The following PARP11 variants were observed in gnomAD, a reference collection of about 807,000 sequenced individuals.
PARP11 encodes protein mono-ADP-ribosyltransferase PARP11.
In PARP11, 31 loss-of-function variants were observed where a neutral mutation model predicts 42.9. The observed-to-expected ratio is 0.72, with a 90% CI of 0.54 to 0.98. The LOEUF (loss-of-function observed/expected upper bound fraction) is 0.98. PARP11 is among the 50% of genes least tolerant of loss of function. The probability of loss-of-function intolerance (pLI) is 0.00; values close to 1 mark genes in which losing one functional copy is unlikely to be tolerated. For missense variants in PARP11, 365 were observed against 413.1 expected (o/e 0.88, Z 1.01); for synonymous variants, 137 against 127.3 (o/e 1.08, Z -0.51).
At chr12:3,858,551 A>G (rs887227934) in intron 1 of PARP11, among the ~76,000 whole-genome samples, 10 of 152,258 alleles carry the variant, frequency 6.6e-5, no homozygotes, top group African/African-American at 2.4e-4. Context: ...TATAGGAGCC[A>G]CTACTTGGTC....
In PARP11 at chr12:3,811,989, T is replaced by C. The variant is rs1458829294; in HGVS notation, c.*134A>G. ...ACCTTGAAGTCAGTATGTCTTTTTA[T>C]ATGGAGGCCACTTTTTTTCATATCT... On this transcript the variant is annotated 3_prime_UTR_variant, in exon 8 of 8. Coordinates refer to ENST00000228820, the MANE Select transcript of PARP11 (RefSeq NM_020367.6). The C allele has an allele frequency of 6.0e-6, 4 of 663,892 alleles. No homozygotes were observed. Among genetic ancestry groups the C allele is most frequent in the Non-Finnish European group, 9.9e-6 (4 of 404,496 alleles). The allele number at this position is 663,892 out of a possible 1,614,324, so 41.1% of individuals were successfully genotyped here. A position where few individuals can be genotyped will look rare whatever the true frequency, so the allele number is the denominator to read the frequency against.
At chr12:3,870,209 G>C (rs1028218681) in intron 1 of PARP11, among the ~76,000 whole-genome samples, 15 of 152,172 alleles carry the variant, frequency 9.9e-5, no homozygotes, top group Non-Finnish European at 2.1e-4. Context: ...CACGTAGAAT[G>C]TTGATTTTTA....
chr12:3,817,194 A>AAC (rs1232541704), intron 6 of PARP11, among the ~76,000 whole-genome samples: 1 of 151,868 alleles, frequency 6.6e-6, no homozygotes, highest in Non-Finnish European at 1.5e-5. Flanking sequence ...CTGTCTCAAA[A>AAC]AAAAAAAAAT....
chr12:3,859,430 G>A (rs1411709737), intron 1 of PARP11, among the ~76,000 whole-genome samples: 1 of 151,912 alleles, frequency 6.6e-6, no homozygotes, highest in Non-Finnish European at 1.5e-5. Flanking sequence ...AGGCGTGGTG[G>A]CACACGCCTG....
chr12:3,872,441 C>G (rs533745656), intron 1 of PARP11: 5 of 879,506 alleles, frequency 5.7e-6, no homozygotes, highest in Non-Finnish European at 6.8e-6. Flanking sequence ...TCGGCCCCTA[C>G]GTTGCACTTT....
At chr12:3,853,639 T>C (rs990643612) in intron 1 of PARP11, among the ~76,000 whole-genome samples, 12 of 152,098 alleles carry the variant, frequency 7.9e-5, no homozygotes, top group Admixed American at 6.5e-4. Flanking sequence ...ATAAAGCAAG[T>C]CCTTAGAGAC....
intron 1 of PARP11, among the ~76,000 whole-genome samples, chr12:3,851,627 C>A (rs1948096503): frequency 6.6e-6 from 1 of 152,146 alleles, no homozygotes; most frequent in South Asian, 2.1e-4. Flanking sequence ...TGGGTGGAGC[C>A]CACCGCAACT....
Position 3,840,614 on chromosome 12 carries a change from A to G in PARP11, c.19-10596T>C. On this transcript the variant is annotated intron_variant, in intron 1 of 7. Transcript: ENST00000228820. This position sits in a 1 kb window ranked among gnomAD's most constrained non-coding sequence, Gnocchi z 4.4. ...GATCACACAAGTCGAGAATCTAACTATTGCTACTTCTCAGAGTAGCAATCC... is the reference window on the plus strand; with the variant it reads ...GATCACACAAGTCGAGAATCTAACTGTTGCTACTTCTCAGAGTAGCAATCC... 7.8e-7 allele frequency: 1 copy of G among 1,281,308 alleles called. No homozygotes were observed. The highest frequency in any genetic ancestry group is 1.5e-5 in the African/African-American group (1 of 68,484). The allele number at this position is 1,281,308 out of a possible 1,614,324, so 79.4% of individuals were successfully genotyped here.
rs370886675 is a variant in PARP11 at position 3,843,947 on chromosome 12, G to A, written c.19-13929C>T. Among the ~76,000 whole-genome samples the A allele has an allele frequency of 1.1e-4, 16 of 152,212 alleles. No homozygotes were observed. The East Asian group carries it at 2.5e-3, about 24-fold the overall frequency. ...AATACACCTAGCCAAAACCAGATGC[G>A]GTGACTTTCTTTTTTTGTAAAGCAA... On this transcript the variant is annotated intron_variant, in intron 1 of 7. Transcript: ENST00000228820.
intron 1 of PARP11, chr12:3,839,320 G>C (rs1161919002): frequency 2.0e-6 from 3 of 1,526,886 alleles, no homozygotes; most frequent in Non-Finnish European, 2.6e-6. Flanking sequence ...GGCCGTCGGC[G>C]TCCCCGACGG....
rs752919018 is a variant in PARP11 at position 3,828,851 on chromosome 12, T to G, written c.268+59A>C. 10 of 1,476,394 alleles carry G rather than the reference T, an allele frequency of 6.8e-6. No homozygotes were observed. The South Asian group carries it at 1.2e-4, about 17-fold the overall frequency. The allele number at this position is 1,476,394 out of a possible 1,614,324, so 91.5% of individuals were successfully genotyped here. A position where few individuals can be genotyped will look rare whatever the true frequency, so the allele number is the denominator to read the frequency against. ...ATCAACTAATCCTGACCTTCAGAGC[T>G]GTAGATTTTATCATATCAATATACT... is the stretch of plus-strand genomic sequence containing the variant. On this transcript the variant is annotated intron_variant, in intron 3 of 7. Coordinates refer to ENST00000228820, the MANE Select transcript of PARP11 (RefSeq NM_020367.6).
Position 3,840,871 on chromosome 12 carries a change from G to A in PARP11, c.19-10853C>T, listed in dbSNP as rs1408023769. On this transcript the variant is annotated intron_variant, in intron 1 of 7. Coordinates refer to ENST00000228820, the MANE Select transcript of PARP11 (RefSeq NM_020367.6). This position sits in a 1 kb window ranked among gnomAD's most constrained non-coding sequence, Gnocchi z 4.4. ...TGCAGAACAAAAGCCAGCAGAACAT[G>A]TGTCTTTGTCAAATCCAGCTCCCCT... is the stretch of plus-strand genomic sequence containing the variant. The A allele has an allele frequency of 3.8e-6, 6 of 1,599,972 alleles. No individual in the cohort carries two copies. Among genetic ancestry groups the A allele is most frequent in the African/African-American group, 2.7e-5 (2 of 74,632 alleles).
intron 1 of PARP11, among the ~76,000 whole-genome samples, chr12:3,850,279 CATAAT>C (rs1449782530): frequency 1.3e-5 from 2 of 151,988 alleles, no homozygotes; most frequent in Non-Finnish European, 2.9e-5. Flanking sequence ...CATATATAGA[CATAAT>C]ATATATAGCA....
chr12:3,842,786 A>G (rs1947919589), intron 1 of PARP11, among the ~76,000 whole-genome samples: 1 of 152,226 alleles, frequency 6.6e-6, no homozygotes, highest in Non-Finnish European at 1.5e-5. Context: ...AAGTATTTTT[A>G]TAAGCAGCTT....
chr12:3,824,598 TTTA>T (rs1199845293), intron 4 of PARP11: 40 of 978,180 alleles, frequency 4.1e-5, no homozygotes, highest in Non-Finnish European at 4.7e-5. Context: ...GTCCTCTCCT[TTTA>T]TTATTATCTT....
intron 1 of PARP11, 86 bp downstream of exon 1, chr12:3,873,126 C>T (rs2138150013): frequency 8.0e-7 from 1 of 1,255,756 alleles, no homozygotes. Flanking sequence ...GAAGCGAGCG[C>T]GGGGAAGCAG....
At chr12:3,834,783 A>G (rs1947722818) in intron 1 of PARP11, among the ~76,000 whole-genome samples, 1 of 148,124 alleles carries the variant, frequency 6.8e-6, no homozygotes, top group Non-Finnish European at 1.5e-5. Context: ...GAGCCCTCTT[A>G]GATCAGAGAG....
intron 1 of PARP11, among the ~76,000 whole-genome samples, chr12:3,838,463 G>A (rs189505529): frequency 6.6e-6 from 1 of 152,046 alleles, no homozygotes; most frequent in Non-Finnish European, 1.5e-5. Context: ...TACTAAAAGA[G>A]AAGTTTATAG....
At chr12:3,815,911 T>G (rs1947277293) in intron 6 of PARP11, among the ~76,000 whole-genome samples, 1 of 152,258 alleles carries the variant, frequency 6.6e-6, no homozygotes, top group Non-Finnish European at 1.5e-5. Context: ...TGTTTGGGAA[T>G]GGATACCTGC....
Sources: allele counts gnomAD v4.1 joint callset (sites outside exome capture counted in the v4.1 genomes callset), GRCh38; gene constraint gnomAD v4.1.1; non-coding constraint Gnocchi (gnomAD v3.1); transcripts MANE v1.5; gene names NCBI Gene and HGNC (gene_info 2026-07-23, HGNC 2026-07-21).